The following TMEM217 variants were observed in gnomAD, a reference collection of about 807,000 sequenced individuals.
TMEM217 encodes the protein transmembrane protein 217.
For synonymous variants in TMEM217, 76 were observed against 88.3 expected (o/e 0.86, Z 0.78); for missense variants, 204 against 248.8 (o/e 0.82, Z 1.21).
At chr6:37,220,645 C>T (rs141560331) in intron 1 of TMEM217, among the ~76,000 whole-genome samples, 24 of 151,724 alleles carry the variant, frequency 1.6e-4, no homozygotes, top group Non-Finnish European at 3.4e-4. Context: ...GAAAGTGTGT[C>T]TAAGTGTCTG....
chr6:37,217,886 C>T (rs1763301492), exon 2 of TMEM217: 2 of 985,696 alleles, frequency 2.0e-6, no homozygotes, highest in Admixed American at 6.1e-5. Flanking sequence ...TTCATTTTGA[C>T]CAATCAGGTG....
intron 1 of TMEM217, among the ~76,000 whole-genome samples, chr6:37,241,249 T>TG: frequency 6.9e-6 from 1 of 145,364 alleles, no homozygotes; most frequent in East Asian, 2.0e-4. Flanking sequence ...ACCTGGTTAA[T>TG]TTTTTTTTTT....
At chr6:37,226,257 TTTA>T (rs1267545634) in intron 1 of TMEM217, among the ~76,000 whole-genome samples, 1 of 150,174 alleles carries the variant, frequency 6.7e-6, no homozygotes, top group Non-Finnish European at 1.5e-5. Flanking sequence ...TTTGTTTTGT[TTTA>T]TTTTGTTTTT....
At chr6:37,243,304 T>C (rs538128000) in intron 1 of TMEM217, among the ~76,000 whole-genome samples, 25 of 152,332 alleles carry the variant, frequency 1.6e-4, no homozygotes, top group Admixed American at 8.5e-4. Context: ...GTTTTCCAGC[T>C]TTCTGTGCAG....
chr6:37,224,046 C>G (rs1029769221), intron 1 of TMEM217, among the ~76,000 whole-genome samples: 2 of 151,664 alleles, frequency 1.3e-5, no homozygotes, highest in African/African-American at 4.8e-5. Flanking sequence ...AAGCGATTCT[C>G]CTGCCTCAGC....
At chr6:37,250,307 A>C (rs1361779720) in intron 1 of TMEM217, among the ~76,000 whole-genome samples, 1 of 152,222 alleles carries the variant, frequency 6.6e-6, no homozygotes, top group Non-Finnish European at 1.5e-5. Flanking sequence ...AGAGGCTTCT[A>C]AGGTATTGGT....
At chr6:37,222,510 C>T (rs566409617) in intron 1 of TMEM217, among the ~76,000 whole-genome samples, 1 of 152,290 alleles carries the variant, frequency 6.6e-6, no homozygotes, top group East Asian at 1.9e-4. Flanking sequence ...GAGGTCCCGC[C>T]CCGCTAACTC....
intron 1 of TMEM217, among the ~76,000 whole-genome samples, chr6:37,233,442 G>T (rs187701126): frequency 6.6e-6 from 1 of 152,316 alleles, no homozygotes; most frequent in East Asian, 1.9e-4. Context: ...AGCAGGGCTG[G>T]CTTTCCCTGC....
intron 1 of TMEM217, among the ~76,000 whole-genome samples, chr6:37,230,803 ATTC>A (rs953946180): frequency 2.6e-5 from 4 of 152,120 alleles, no homozygotes; most frequent in Non-Finnish European, 5.9e-5. Flanking sequence ...CAGCCTTTCA[ATTC>A]TTCTTTGGAC....
At chr6:37,253,349 A>G (rs1268135299) in intron 1 of TMEM217, among the ~76,000 whole-genome samples, 1 of 152,234 alleles carries the variant, frequency 6.6e-6, no homozygotes, top group Non-Finnish European at 1.5e-5. Flanking sequence ...CTTGCCAGGT[A>G]TGGTGACTTC....
Position 37,212,459 on chromosome 6 carries a change from A to G in TMEM217, c.*538T>C, listed in dbSNP as rs1037722881. 10 of 447,714 alleles carry G rather than the reference A, an allele frequency of 2.2e-5. No individual in the cohort carries two copies. In the Admixed American group the frequency reaches 2.4e-4, roughly 11 times the overall value. 27.7% of individuals were successfully genotyped at this position (447,714 alleles called of 1,614,324 possible). ...AACATTCCCAGACGGACAGGTAGTC[A>G]TGAGTTCACTGCAATGGTGGAGCAG... On this transcript the variant is annotated 3_prime_UTR_variant, in exon 4 of 4. Transcript: ENST00000336655.
At chr6:37,247,805 T>C (rs901407318) in intron 1 of TMEM217, among the ~76,000 whole-genome samples, 3 of 152,178 alleles carry the variant, frequency 2.0e-5, no homozygotes, top group African/African-American at 7.2e-5. Context: ...GTTTACCAAC[T>C]CCTGAGAGTC....
At chr6:37,251,634 C>G (rs1431249080) in intron 1 of TMEM217, among the ~76,000 whole-genome samples, 1 of 152,152 alleles carries the variant, frequency 6.6e-6, no homozygotes, top group Non-Finnish European at 1.5e-5. Context: ...TGGATACACA[C>G]ATATGTAATA....
exon 2 of TMEM217, chr6:37,218,209 A>G (rs1369440335): frequency 1.6e-6 from 2 of 1,287,254 alleles, no homozygotes; most frequent in African/African-American, 3.2e-5. Flanking sequence ...TTACTCTGTC[A>G]CTCAGGCTGA....
chr6:37,232,481 G>C (rs1764255681), intron 1 of TMEM217, among the ~76,000 whole-genome samples: 1 of 152,156 alleles, frequency 6.6e-6, no homozygotes, highest in African/African-American at 2.4e-5. Context: ...TGCCTCCGGG[G>C]TTCACGCCAT....
intron 1 of TMEM217, among the ~76,000 whole-genome samples, chr6:37,252,466 T>C (rs1340614297): frequency 6.6e-6 from 1 of 151,724 alleles, no homozygotes; most frequent in African/African-American, 2.4e-5. Flanking sequence ...CATACATACA[T>C]GTATACATAC....
At chr6:37,218,830 G>A (rs1300160503) in exon 2 of TMEM217, 4 of 1,614,078 alleles carry the variant, frequency 2.5e-6, no homozygotes, top group African/African-American at 1.3e-5. Flanking sequence ...GGAAGAGGAC[G>A]ATTTTAAAAC....
chr6:37,229,794 A>G (rs998791262), intron 1 of TMEM217, among the ~76,000 whole-genome samples: 1 of 152,166 alleles, frequency 6.6e-6, no homozygotes, highest in Non-Finnish European at 1.5e-5. Context: ...TTGCTGCCAT[A>G]ACAAATTACC....
chr6:37,252,648 T>A (rs1370851555), intron 1 of TMEM217, among the ~76,000 whole-genome samples: 1,842 of 109,710 alleles, frequency 0.017, 16 homozygotes, highest in Non-Finnish European at 0.027. Context: ...TTTTTTTTTT[T>A]TTTTTTTTTT....
Sources: allele counts gnomAD v4.1 joint callset (sites outside exome capture counted in the v4.1 genomes callset), GRCh38; gene constraint gnomAD v4.1.1; transcripts MANE v1.5; gene names NCBI Gene and HGNC (gene_info 2026-07-23, HGNC 2026-07-21).